The following SNTB1 variants were observed in gnomAD, a reference collection of about 807,000 sequenced individuals.
SNTB1 encodes syntrophin beta 1.
SNTB1 carries 36 observed loss-of-function variants against 48.9 expected under a neutral mutation model. The ratio of observed to expected loss-of-function variants is 0.74; its 90% confidence interval spans 0.56 to 0.97. The LOEUF is 0.97. SNTB1 is among the 50% of genes least tolerant of loss of function. The pLI is 0.00. For missense variants in SNTB1, 786 were observed against 703.4 expected (o/e 1.12, Z -1.33); for synonymous variants, 299 against 294.6 (o/e 1.01, Z -0.15).
intron 4 of SNTB1, among the ~76,000 whole-genome samples, chr8:120,557,717 G>A (rs1045903973): frequency 2.0e-5 from 3 of 152,142 alleles, no homozygotes; most frequent in African/African-American, 7.2e-5. Flanking sequence ...GTCTTTCAGG[G>A]TAGGAGCCTG....
chr8:120,591,054 A>G (rs933222352), intron 3 of SNTB1, among the ~76,000 whole-genome samples: 1 of 152,052 alleles, frequency 6.6e-6, no homozygotes, highest in African/African-American at 2.4e-5. Context: ...AGGCATTAAC[A>G]TTTCCAAGAG....
chr8:120,755,167 TGTGTGAGA>T (rs1345507881), intron 1 of SNTB1, among the ~76,000 whole-genome samples: 1,601 of 110,598 alleles, frequency 0.014, 25 homozygotes, highest in African/African-American at 0.065. Flanking sequence ...TGTGTGTGTG[TGTGTGAGA>T]GAGAGAGAGA....
intron 1 of SNTB1, among the ~76,000 whole-genome samples, chr8:120,802,342 G>T (rs575878069): frequency 6.6e-6 from 1 of 152,218 alleles, no homozygotes; most frequent in East Asian, 1.9e-4. Flanking sequence ...AGTTTGCTGT[G>T]TAGGTTAAAT....
intron 1 of SNTB1, among the ~76,000 whole-genome samples, chr8:120,756,332 T>C (rs1819317258): frequency 6.6e-6 from 1 of 152,174 alleles, no homozygotes. Context: ...GCAATTTTTT[T>C]CAATGGATGG....
Position 120,808,198 on chromosome 8 carries a change from C to G in SNTB1, c.571+3075G>C, listed in dbSNP as rs189399960. On this transcript the variant is annotated intron_variant, in intron 1 of 6. Coordinates refer to ENST00000517992, the MANE Select transcript of SNTB1 (RefSeq NM_021021.4). Reference sequence around the variant, plus strand: ...AAAGTGCTGGGATTATAGGCGTGAGCTACCGTACCGGCCACTATGTTACTT... The same window carrying G: ...AAAGTGCTGGGATTATAGGCGTGAGGTACCGTACCGGCCACTATGTTACTT... Among the ~76,000 whole-genome samples the G allele has an allele frequency of 2.0e-4, 31 of 152,288 alleles. No homozygotes were observed. The East Asian group carries it at 2.7e-3, about 13-fold the overall frequency.
chr8:120,633,891 C>T (rs1817024698), intron 2 of SNTB1, among the ~76,000 whole-genome samples: 1 of 152,152 alleles, frequency 6.6e-6, no homozygotes, highest in African/African-American at 2.4e-5. Context: ...AGTATCAAAA[C>T]TAGGAAACTG....
At chr8:120,798,134 C>G (rs1298071708) in intron 1 of SNTB1, among the ~76,000 whole-genome samples, 1 of 152,032 alleles carries the variant, frequency 6.6e-6, no homozygotes, top group African/African-American at 2.4e-5. Context: ...GATTGTCTTA[C>G]ACTCAGCAAT....
chr8:120,776,114 T>A (rs1459712387), intron 1 of SNTB1, among the ~76,000 whole-genome samples: 3 of 152,186 alleles, frequency 2.0e-5, no homozygotes, highest in Admixed American at 6.5e-5. Context: ...TTATAAATCA[T>A]GCTGCTATAA....
Position 120,794,480 on chromosome 8 carries a change from T to TAC in SNTB1, c.571+16792_571+16793insGT, listed in dbSNP as rs1491171152. 2.4e-3 allele frequency among the ~76,000 whole-genome samples: 355 copies of TAC among 147,632 alleles called. 1 individual carries two copies. Among genetic ancestry groups the TAC allele is most frequent in the African/African-American group, 8.8e-3 (339 of 38,620 alleles). ...TATATCAGTAGTGTATGTACTATTT[T>TAC]ATATATATATATACACACACACACT... is the stretch of plus-strand genomic sequence containing the variant. On this transcript the variant is annotated intron_variant, in intron 1 of 6. Coordinates refer to ENST00000517992, the MANE Select transcript of SNTB1 (RefSeq NM_021021.4).
intron 1 of SNTB1, among the ~76,000 whole-genome samples, chr8:120,759,296 G>A (rs11987295): frequency 0.12 from 18,555 of 152,142 alleles, 3,743 homozygotes; most frequent in African/African-American, 0.42. Flanking sequence ...GCAAGTGGGT[G>A]AACACTGCTG....
chr8:120,693,917 A>T lies in SNTB1; in HGVS notation c.572-9T>A, dbSNP rs762244626. 4.4e-6 allele frequency: 7 copies of T among 1,606,500 alleles called. No homozygotes were observed. Among genetic ancestry groups the T allele is most frequent in the South Asian group, 3.3e-5 (3 of 90,796 alleles). On this transcript the variant is annotated splice_polypyrimidine_tract_variant and intron_variant, in intron 1 of 6. Coordinates refer to ENST00000517992, the MANE Select transcript of SNTB1 (RefSeq NM_021021.4). ...TTCTCGCATGTACTTCACTGCAAGG[A>T]AAAAGACAACAAGTGCTTTTAATAC...
At chr8:120,755,816 A>G (rs1819309619) in intron 1 of SNTB1, among the ~76,000 whole-genome samples, 1 of 152,178 alleles carries the variant, frequency 6.6e-6, no homozygotes, top group African/African-American at 2.4e-5. Context: ...ACATAACTTC[A>G]TTTAATTCTC....
At chr8:120,720,149 A>G (rs1241459833) in intron 1 of SNTB1, among the ~76,000 whole-genome samples, 2 of 152,214 alleles carry the variant, frequency 1.3e-5, no homozygotes, top group Non-Finnish European at 2.9e-5. Context: ...AACCTATGTC[A>G]TAAGACTGTG....
At chr8:120,686,597 TG>T (rs1262358004) in intron 2 of SNTB1, among the ~76,000 whole-genome samples, 6 of 147,492 alleles carry the variant, frequency 4.1e-5, no homozygotes, top group African/African-American at 1.2e-4. Flanking sequence ...ATTTGGGGGG[TG>T]GGGGGACACA....
intron 4 of SNTB1, among the ~76,000 whole-genome samples, chr8:120,558,272 A>G (rs902126302): frequency 1.3e-5 from 2 of 152,332 alleles, no homozygotes; most frequent in African/African-American, 2.4e-5. Flanking sequence ...ATGTGGCAAG[A>G]ACTATACTAT....
At chr8:120,542,195 G>A in intron 5 of SNTB1, 195 bp from the exon 6 acceptor site, 1 of 527,120 alleles carries the variant, frequency 1.9e-6, no homozygotes, top group East Asian at 3.1e-5. Context: ...AAGCCCCATA[G>A]AACTAAGGAA....
intron 2 of SNTB1, among the ~76,000 whole-genome samples, chr8:120,655,681 T>A (rs558401418): frequency 1.3e-5 from 2 of 152,246 alleles, no homozygotes; most frequent in Non-Finnish European, 2.9e-5. Flanking sequence ...TGCTGTTCAA[T>A]ATCTTTTGAA....
intron 2 of SNTB1, among the ~76,000 whole-genome samples, chr8:120,656,018 C>A (rs998666117): frequency 1.3e-5 from 2 of 152,154 alleles, no homozygotes; most frequent in South Asian, 4.1e-4. Context: ...CCTAGAGCAG[C>A]ATTCACAGTG....
intron 3 of SNTB1, among the ~76,000 whole-genome samples, chr8:120,595,054 C>T (rs7827807): frequency 0.2 from 30,453 of 151,696 alleles, 3,150 homozygotes; most frequent in Middle Eastern, 0.3. Flanking sequence ...AATAAACCTC[C>T]TCAGATGTTA....
Sources: gnomAD v4.1 joint callset for allele counts (sites outside exome capture counted in the v4.1 genomes callset) on GRCh38, gnomAD v4.1.1 for gene constraint, MANE v1.5 for transcripts, NCBI Gene and HGNC (gene_info 2026-07-23, HGNC 2026-07-21) for gene names.